RPS6KC1: variants seen among roughly 807,000 people sequenced by gnomAD.
RPS6KC1 encodes inactive ribosomal protein S6 kinase delta-1.
RPS6KC1 carries 54 observed loss-of-function variants against 103.8 expected under a neutral mutation model. The ratio of observed to expected loss-of-function variants is 0.52; its 90% CI spans 0.42 to 0.65. The LOEUF is 0.65. Ranked by LOEUF, RPS6KC1 falls within the 30% of genes least tolerant of loss-of-function variation. The pLI, the probability that RPS6KC1 is intolerant of heterozygous loss-of-function variation, is 0.00. For synonymous variants in RPS6KC1, 439 were observed against 438.7 expected (o/e 1.00, Z -0.01); for missense variants, 1,151 against 1,253.8 (o/e 0.92, Z 1.24).
the RPS6KC1 span, among the ~76,000 whole-genome samples, chr1:213,555,317 G>T: frequency 6.6e-6 from 1 of 152,228 alleles, no homozygotes; most frequent in Admixed American, 6.5e-5. Flanking sequence ...AGTTGACAGT[G>T]TTAGCAAGGG....
chr1:213,179,422 A>G (rs2092115537), intron 8 of RPS6KC1, among the ~76,000 whole-genome samples: 1 of 151,984 alleles, frequency 6.6e-6, no homozygotes, highest in Non-Finnish European at 1.5e-5. Context: ...CTCAAAAAAA[A>G]GAGGAAAAAA....
chr1:213,779,143 ATTCCC>A, the RPS6KC1 span, among the ~76,000 whole-genome samples: 1 of 152,174 alleles, frequency 6.6e-6, no homozygotes, highest in East Asian at 1.9e-4. Flanking sequence ...AAAAATAAAT[ATTCCC>A]CATTTCAGGA....
the RPS6KC1 span, among the ~76,000 whole-genome samples, chr1:213,489,914 C>T: frequency 2.4e-3 from 361 of 152,278 alleles, 11 homozygotes; most frequent in East Asian, 0.059. Context: ...CAGATGGAGA[C>T]ACTCAGCCTC....
chr1:213,292,149 T>C, the RPS6KC1 span, among the ~76,000 whole-genome samples: 1 of 152,192 alleles, frequency 6.6e-6, no homozygotes, highest in East Asian at 1.9e-4. Flanking sequence ...TACCTAATGC[T>C]AAATGACGAG....
the RPS6KC1 span, among the ~76,000 whole-genome samples, chr1:213,421,999 C>CT: frequency 1.3e-5 from 2 of 152,092 alleles, no homozygotes; most frequent in Non-Finnish European, 2.9e-5. Flanking sequence ...AACTTACTCA[C>CT]TTTTTTTTGG....
chr1:213,224,073 G>A (rs1218155770), intron 8 of RPS6KC1, among the ~76,000 whole-genome samples: 5 of 152,164 alleles, frequency 3.3e-5, no homozygotes, highest in African/African-American at 7.2e-5. Context: ...CACCACAGTC[G>A]TAGTGCCTTC....
At chr1:213,823,697 C>T in the RPS6KC1 span, among the ~76,000 whole-genome samples, 1 of 144,368 alleles carries the variant, frequency 6.9e-6, no homozygotes, top group Non-Finnish European at 1.5e-5. Flanking sequence ...GTGCAGTGAC[C>T]ATGACATCCT....
chr1:213,811,990 T>A, the RPS6KC1 span, among the ~76,000 whole-genome samples: 1 of 152,256 alleles, frequency 6.6e-6, no homozygotes, highest in Non-Finnish European at 1.5e-5. Flanking sequence ...AGTTTTATTG[T>A]GTGTTAATTA....
the RPS6KC1 span, chr1:213,821,071 C>A: frequency 6.6e-6 from 1 of 152,162 alleles, no homozygotes; most frequent in Non-Finnish European, 1.5e-5. Context: ...GAGGCTACAG[C>A]AATAACAGGT....
the RPS6KC1 span, among the ~76,000 whole-genome samples, chr1:213,716,841 TA>T: frequency 6.6e-6 from 1 of 152,244 alleles, no homozygotes; most frequent in African/African-American, 2.4e-5. Context: ...AACGTCTGGC[TA>T]ATATTTATAA....
At chr1:213,580,906 G>A in the RPS6KC1 span, among the ~76,000 whole-genome samples, 1 of 152,186 alleles carries the variant, frequency 6.6e-6, no homozygotes, top group East Asian at 1.9e-4. Context: ...AAAAATTCAT[G>A]TGATTTTCTT....
At chr1:213,447,747 T>A in the RPS6KC1 span, among the ~76,000 whole-genome samples, 17 of 152,222 alleles carry the variant, frequency 1.1e-4, no homozygotes, top group Admixed American at 9.2e-4. Context: ...TGCCTTCTTG[T>A]TCCTGGGTGG....
the RPS6KC1 span, among the ~76,000 whole-genome samples, chr1:213,756,047 C>T: frequency 6.6e-6 from 1 of 152,170 alleles, no homozygotes; most frequent in East Asian, 1.9e-4. Flanking sequence ...GTTGAGGTGC[C>T]CACAAATCTC....
chr1:213,176,536 T>G lies in RPS6KC1; in HGVS notation c.1044+44T>G, dbSNP rs752159792. On this transcript the variant is annotated intron_variant, in intron 8 of 14. Transcript: ENST00000366960. The stretch of plus-strand genomic sequence containing the variant: ...TTCAAGAGTTCAGTCATAAATCGAC[T>G]GCATGCTGACATTCTGTCTTTGAAG... 35 of 1,276,032 alleles carry G rather than the reference T, an allele frequency of 2.7e-5. 1 individual carries two copies. Among genetic ancestry groups the G allele is most frequent in the Non-Finnish European group, 3.7e-5 (33 of 887,446 alleles). The allele number at this position is 1,276,032 out of a possible 1,614,324, so 79.0% of individuals were successfully genotyped here.
the RPS6KC1 span, among the ~76,000 whole-genome samples, chr1:213,604,123 G>T: frequency 6.6e-6 from 1 of 152,146 alleles, no homozygotes; most frequent in South Asian, 2.1e-4. Context: ...AAAGAAAAAT[G>T]ACAATCAGCT....
At chr1:213,379,786 A>C in the RPS6KC1 span, among the ~76,000 whole-genome samples, 1 of 152,156 alleles carries the variant, frequency 6.6e-6, no homozygotes, top group Admixed American at 6.5e-5. Context: ...GTCCCGTCTC[A>C]CACCAGTTAC....
the RPS6KC1 span, among the ~76,000 whole-genome samples, chr1:213,514,682 A>AT: frequency 2.6e-5 from 4 of 152,172 alleles, no homozygotes; most frequent in African/African-American, 9.6e-5. Flanking sequence ...TAGTGCCGCA[A>AT]TAAACATACG....
the RPS6KC1 span, among the ~76,000 whole-genome samples, chr1:213,381,356 T>C: frequency 1.3e-5 from 2 of 152,036 alleles, no homozygotes; most frequent in Non-Finnish European, 2.9e-5. Context: ...TTTCCTCTCC[T>C]CCTTAGCCGG....
At chr1:213,200,275 A>G (rs2093110508) in intron 8 of RPS6KC1, among the ~76,000 whole-genome samples, 1 of 152,224 alleles carries the variant, frequency 6.6e-6, no homozygotes, top group South Asian at 2.1e-4. Context: ...TGATACTGGC[A>G]TAAAAACAGA....
Sources: gnomAD v4.1 joint callset for allele counts (sites outside exome capture counted in the v4.1 genomes callset) on GRCh38, gnomAD v4.1.1 for gene constraint, MANE v1.5 for transcripts, NCBI Gene and HGNC (gene_info 2026-07-23, HGNC 2026-07-21) for gene names.